The following RSRC1 variants were observed in gnomAD, a reference collection of about 807,000 sequenced individuals.
The protein encoded by RSRC1 is arginine and serine rich coiled-coil 1.
RSRC1 carries 39 observed loss-of-function variants against 49.1 expected under a neutral mutation model. That is an observed-to-expected ratio of 0.79 (90% CI 0.61 to 1.04). The LOEUF (loss-of-function observed/expected upper bound fraction) is 1.04. Ranked by LOEUF, RSRC1 falls within the 50% of genes least tolerant of loss-of-function variation. RSRC1 has a pLI of 0.00. For synonymous variants in RSRC1, 143 were observed against 130.8 expected, an observed-to-expected ratio of 1.09 and a Z score of -0.63; for missense variants, 388 against 402.4, an observed-to-expected ratio of 0.96 and a Z score of 0.31.
Position 158,116,542 on chromosome 3 carries a change from T to A in RSRC1, c.-2-5561T>A, listed in dbSNP as rs183503882. Among the ~76,000 whole-genome samples the A allele has an allele frequency of 4.6e-3, 702 of 152,200 alleles. 3 individuals carry two copies. Among genetic ancestry groups the A allele is most frequent in the Non-Finnish European group, 6.9e-3 (472 of 67,994 alleles). On this transcript the variant is annotated intron_variant, in intron 1 of 9. Transcript: ENST00000611884. ...TCTTAATTGAAATTGCTTTTTTTTT[T>A]AAACTGTGACTGTATGGCAGTGAGG...
intron 1 of RSRC1, among the ~76,000 whole-genome samples, chr3:158,120,576 T>C (rs1225887925): frequency 2.0e-5 from 3 of 147,294 alleles, no homozygotes; most frequent in Non-Finnish European, 4.5e-5. Flanking sequence ...ATATATTAAA[T>C]ATACAGTTAA....
intron 4 of RSRC1, among the ~76,000 whole-genome samples, chr3:158,229,078 ATG>A (rs1189772272): frequency 1.0e-5 from 1 of 99,302 alleles, no homozygotes; most frequent in East Asian, 4.3e-4. Context: ...ACACGTGTAT[ATG>A]TGTGTATAAA....
chr3:158,185,614 A>G (rs1372651850), intron 3 of RSRC1, among the ~76,000 whole-genome samples: 1 of 151,898 alleles, frequency 6.6e-6, no homozygotes, highest in Non-Finnish European at 1.5e-5. Flanking sequence ...GAACTAACAA[A>G]TGTGTACTCA....
chr3:158,534,403 G>A (rs1257333118), intron 7 of RSRC1, among the ~76,000 whole-genome samples: 4 of 151,638 alleles, frequency 2.6e-5, no homozygotes. Flanking sequence ...CCACCTTCGT[G>A]TCAAACCACT....
intron 4 of RSRC1, among the ~76,000 whole-genome samples, chr3:158,255,060 G>T (rs2108021228): frequency 6.6e-6 from 1 of 152,130 alleles, no homozygotes; most frequent in South Asian, 2.1e-4. Flanking sequence ...CTGTGCAGAA[G>T]CTCTTTGATT....
chr3:158,444,491 A>T (rs1736572982), intron 6 of RSRC1, among the ~76,000 whole-genome samples: 1 of 152,132 alleles, frequency 6.6e-6, no homozygotes, highest in Admixed American at 6.5e-5. Flanking sequence ...TCCTTACACC[A>T]TATACAAAAA....
At position 158,127,756 on chromosome 3, in the gene RSRC1, G is replaced by GTTT. The variant is rs34766107; in HGVS notation, c.320+3783_320+3785dup. ...TCCTTCTTTCTTTGACTGCTTTGTG[G>GTTT]TTTTTTTTTTTTTTTTTTTTGGCTG... On this transcript the variant is annotated intron_variant, in intron 3 of 9. Transcript: ENST00000611884. 3.1e-3 allele frequency among the ~76,000 whole-genome samples: 250 copies of GTTT among 81,214 alleles called. 4 individuals carry two copies. The highest frequency in any genetic ancestry group is 0.011 in the African/African-American group (217 of 19,592). 53.3% of individuals were successfully genotyped at this position (81,214 alleles called of 152,430 possible). A position where few individuals can be genotyped will look rare whatever the true frequency, so the allele number is the denominator to read the frequency against.
intron 3 of RSRC1, among the ~76,000 whole-genome samples, chr3:158,189,789 G>T (rs147481318): frequency 1.3e-5 from 2 of 151,436 alleles, no homozygotes; most frequent in Admixed American, 6.6e-5. Flanking sequence ...TTTTCTATTT[G>T]TCCAATCCAT....
At chr3:158,279,522 C>T (rs1328542165) in intron 4 of RSRC1, among the ~76,000 whole-genome samples, 2 of 152,332 alleles carry the variant, frequency 1.3e-5, no homozygotes, top group Non-Finnish European at 1.5e-5. Flanking sequence ...GTACTTTCGG[C>T]TCAATAGAAT....
intron 8 of RSRC1, among the ~76,000 whole-genome samples, chr3:158,538,028 C>T (rs1027144130): frequency 2.6e-5 from 4 of 151,520 alleles, no homozygotes; most frequent in African/African-American, 7.3e-5. Flanking sequence ...TCCAAGTCAC[C>T]CTCTGAAAAT....
At chr3:158,287,164 A>T (rs919791941) in intron 4 of RSRC1, among the ~76,000 whole-genome samples, 1 of 152,182 alleles carries the variant, frequency 6.6e-6, no homozygotes, top group African/African-American at 2.4e-5. Context: ...TTAATAGGAT[A>T]TATTTATGAC....
At chr3:158,320,826 A>G (rs895082935) in intron 5 of RSRC1, among the ~76,000 whole-genome samples, 20 of 152,192 alleles carry the variant, frequency 1.3e-4, no homozygotes, top group Non-Finnish European at 4.4e-5. Flanking sequence ...CTGAATAAGA[A>G]TAAAGGACAA....
chr3:158,512,102 G>A (rs1266751310), intron 7 of RSRC1, among the ~76,000 whole-genome samples: 2 of 148,678 alleles, frequency 1.3e-5, no homozygotes, highest in Middle Eastern at 3.4e-3. Flanking sequence ...TTCTTTTGCT[G>A]TGCAGAAGCT....
At chr3:158,356,976 A>G (rs1261295958) in intron 6 of RSRC1, among the ~76,000 whole-genome samples, 1 of 152,182 alleles carries the variant, frequency 6.6e-6, no homozygotes, top group African/African-American at 2.4e-5. Flanking sequence ...TCTAAATTGT[A>G]TCTAAGGATA....
intron 4 of RSRC1, among the ~76,000 whole-genome samples, chr3:158,220,409 C>A (rs1229141787): frequency 6.6e-6 from 1 of 151,474 alleles, no homozygotes; most frequent in East Asian, 1.9e-4. Context: ...CAACGTCTTT[C>A]CAAATTTGTT....
At chr3:158,417,015 G>A (rs952624776) in intron 6 of RSRC1, among the ~76,000 whole-genome samples, 2 of 151,944 alleles carry the variant, frequency 1.3e-5, no homozygotes, top group Non-Finnish European at 2.9e-5. Flanking sequence ...TATAATAACT[G>A]CAGCTTAATA....
chr3:158,491,796 C>T (rs79897146), intron 7 of RSRC1, among the ~76,000 whole-genome samples: 13 of 152,070 alleles, frequency 8.5e-5, no homozygotes, highest in African/African-American at 2.4e-4. Flanking sequence ...TTTGACACCT[C>T]GTGCTATGGG....
At chr3:158,354,206 G>C (rs1377228108) in intron 5 of RSRC1, among the ~76,000 whole-genome samples, 2 of 152,014 alleles carry the variant, frequency 1.3e-5, no homozygotes, top group East Asian at 3.8e-4. Context: ...GGCCAGGATG[G>C]TCTCGATCTC....
At chr3:158,532,299 T>C (rs897042729) in intron 7 of RSRC1, among the ~76,000 whole-genome samples, 10 of 151,866 alleles carry the variant, frequency 6.6e-5, no homozygotes, top group Non-Finnish European at 1.2e-4. Flanking sequence ...TCTGGGGCAA[T>C]AGTGCCATCT....
Sources: allele counts gnomAD v4.1 joint callset (sites outside exome capture counted in the v4.1 genomes callset), GRCh38; gene constraint gnomAD v4.1.1; transcripts MANE v1.5; gene names NCBI Gene and HGNC (gene_info 2026-07-23, HGNC 2026-07-21).